PLCG2: variants seen among roughly 807,000 people sequenced by gnomAD.
PLCG2 encodes the protein phospholipase C gamma 2.
A neutral mutation model predicts 175.6 loss-of-function variants in PLCG2; 69 were observed. The observed-to-expected ratio is 0.39, with a 90% CI of 0.32 to 0.48. PLCG2 has a LOEUF of 0.48. PLCG2 is among the 20% of genes least tolerant of loss of function. The pLI, the probability that PLCG2 is intolerant of heterozygous loss-of-function variation, is 0.91. For missense variants in PLCG2, 1,798 were observed against 1,650.9 expected (o/e 1.09, Z -1.54); for synonymous variants, 827 against 624.0 (o/e 1.33, Z -4.85).
intron 2 of PLCG2, among the ~76,000 whole-genome samples, chr16:81,764,176 C>T (rs985856301): frequency 2.6e-5 from 4 of 151,948 alleles, no homozygotes; most frequent in Non-Finnish European, 5.9e-5. Flanking sequence ...AGCCTGTATC[C>T]CTAGCTACTC....
chr16:81,937,924 C>T (rs1381297592), intron 28 of PLCG2, 21 bp downstream of exon 28: 5 of 1,612,540 alleles, frequency 3.1e-6, no homozygotes, highest in East Asian at 2.2e-5. Context: ...CCCTCCCTTC[C>T]TGCCAGGGGA....
At chr16:81,893,479 C>T (rs757941505) in intron 11 of PLCG2, among the ~76,000 whole-genome samples, 8 of 152,226 alleles carry the variant, frequency 5.3e-5, no homozygotes, top group Non-Finnish European at 1.0e-4. Context: ...CCCAGGTGGT[C>T]AGCAGTCACT....
In PLCG2 at chr16:81,936,244, A is replaced by C. The variant is rs762156095; in HGVS notation, c.2918A>C (p.Asp973Ala). The change falls in exon 27 of 33, where the codon GAC becomes GCC. Residue 973 changes from aspartate (D) to alanine (A), a missense_variant. By Grantham distance (126) the Asp-to-Ala change is moderately radical. Coordinates refer to ENST00000564138, the MANE Select transcript of PLCG2 (RefSeq NM_002661.5). ...ADSIIRQKPV[D>A]LLKYNQKGLT... ...AGCATCATCAGACAGAAGCCCGTCG[A>C]CCTCCTGAAGTACAATCAAAAGGGC... 1.2e-6 allele frequency: 2 copies of C among 1,613,702 alleles called. No homozygotes were observed. Among genetic ancestry groups the C allele is most frequent in the Non-Finnish European group, 1.7e-6 (2 of 1,179,958 alleles).
chr16:81,868,092 A>T (rs1236056343), intron 5 of PLCG2, among the ~76,000 whole-genome samples: 2 of 152,130 alleles, frequency 1.3e-5, no homozygotes, highest in African/African-American at 4.8e-5. Flanking sequence ...TTTGATTCAA[A>T]TCCAGGCTCT....
intron 2 of PLCG2, among the ~76,000 whole-genome samples, chr16:81,801,203 A>G (rs1345222070): frequency 6.6e-6 from 1 of 152,210 alleles, no homozygotes; most frequent in Non-Finnish European, 1.5e-5. Flanking sequence ...ACCAACTTAG[A>G]TGAGTTGTGA....
chr16:81,750,197 C>G (rs1387122699), intron 1 of PLCG2, among the ~76,000 whole-genome samples: 1 of 152,112 alleles, frequency 6.6e-6, no homozygotes, highest in Non-Finnish European at 1.5e-5. Flanking sequence ...CACCTCAGGC[C>G]AGGAGTTCAA....
chr16:81,766,424 C>T (rs146970599), intron 2 of PLCG2, among the ~76,000 whole-genome samples: 6 of 152,266 alleles, frequency 3.9e-5, no homozygotes, highest in Middle Eastern at 3.4e-3. Flanking sequence ...GCTGAGCCCA[C>T]TGCCTGAGAA....
At chr16:81,881,534 T>C (rs1479484812) in intron 8 of PLCG2, among the ~76,000 whole-genome samples, 1 of 152,252 alleles carries the variant, frequency 6.6e-6, no homozygotes, top group Non-Finnish European at 1.5e-5. Flanking sequence ...CTGGAGTTAA[T>C]GGTCTGGGGT....
rs376030995 is a variant in PLCG2, at chr16:81,936,193, G to A, written c.2867G>A (p.Arg956His). 23 of 1,613,966 alleles carry A rather than the reference G, an allele frequency of 1.4e-5. No individual in the cohort carries two copies. The highest frequency in any genetic ancestry group is 2.7e-5 in the African/African-American group (2 of 74,916). Residue 956 changes from arginine (R) to histidine (H), a missense_variant, in exon 27 of 33, where the codon CGC becomes CAC. Physicochemically the swap from Arg to His is conservative, Grantham distance 29. Coordinates refer to ENST00000564138, the MANE Select transcript of PLCG2 (RefSeq NM_002661.5). Reference sequence around the variant, plus strand: ...GAAAATCCTGACTTCCGAGAAATCCGCTCCTTTGTGGAGACGAAGGCTGAC... The same window carrying A: ...GAAAATCCTGACTTCCGAGAAATCCACTCCTTTGTGGAGACGAAGGCTGAC... ...NLENPDFREI[R>H]SFVETKADSI...
intron 15 of PLCG2, among the ~76,000 whole-genome samples, chr16:81,907,149 TAC>T (rs1185124362): frequency 6.8e-6 from 1 of 146,590 alleles, no homozygotes; most frequent in African/African-American, 2.5e-5. Flanking sequence ...AATAAAAAAA[TAC>T]AAATAAAAAC....
At chr16:81,823,332 A>G (rs1434406107) in intron 2 of PLCG2, among the ~76,000 whole-genome samples, 2 of 152,206 alleles carry the variant, frequency 1.3e-5, no homozygotes, top group African/African-American at 4.8e-5. Context: ...ACAGAAACGC[A>G]GAAGTGAGCT....
chr16:81,884,831 G>A (rs9932398), intron 9 of PLCG2, among the ~76,000 whole-genome samples: 15,125 of 152,012 alleles, frequency 0.099, 2,562 homozygotes, highest in African/African-American at 0.34. Flanking sequence ...GCAGACAGAC[G>A]GTTTAATGAA....
At chr16:81,798,070 A>T (rs1430444905) in intron 2 of PLCG2, among the ~76,000 whole-genome samples, 1 of 152,046 alleles carries the variant, frequency 6.6e-6, no homozygotes, top group African/African-American at 2.4e-5. Flanking sequence ...ACCTCAAGTG[A>T]TCTGCCTGCA....
rs1389958645 is a variant in PLCG2 at position 81,891,842 on chromosome 16, T to A, written c.986+252T>A. 2.0e-5 allele frequency among the ~76,000 whole-genome samples: 3 copies of A among 152,228 alleles called. No individual in the cohort carries two copies. In the East Asian group the frequency reaches 5.8e-4, roughly 29 times the overall value. On this transcript the variant is annotated intron_variant, in intron 11 of 32. Coordinates refer to ENST00000564138, the MANE Select transcript of PLCG2 (RefSeq NM_002661.5). The stretch of plus-strand genomic sequence containing the variant: ...GCTAGTAAAAACAAAAGTAACTTAG[T>A]TTATGTAACTTAGTAACTAAAGTAA...
chr16:81,922,689 T>C (rs1362034593), intron 21 of PLCG2, among the ~76,000 whole-genome samples: 1 of 152,228 alleles, frequency 6.6e-6, no homozygotes, highest in Non-Finnish European at 1.5e-5. Context: ...CTAGGTTCCC[T>C]GTGAAATTCC....
chr16:81,772,231 A>C (rs1910297324), intron 2 of PLCG2, among the ~76,000 whole-genome samples: 1 of 152,152 alleles, frequency 6.6e-6, no homozygotes, highest in Admixed American at 6.5e-5. Flanking sequence ...GGCCATGAGA[A>C]GACAGAGGCA....
At chr16:81,933,224 A>G (rs541743659) in intron 25 of PLCG2, among the ~76,000 whole-genome samples, 1 of 152,302 alleles carries the variant, frequency 6.6e-6, no homozygotes, top group African/African-American at 2.4e-5. Flanking sequence ...TCCTGTTATT[A>G]CATCTGAGGG....
chr16:81,817,060 G>A (rs1002027824), intron 2 of PLCG2, among the ~76,000 whole-genome samples: 1 of 152,186 alleles, frequency 6.6e-6, no homozygotes, highest in Non-Finnish European at 1.5e-5. Flanking sequence ...CCATCACAGT[G>A]TCCTTCTTGT....
intron 5 of PLCG2, among the ~76,000 whole-genome samples, chr16:81,862,411 G>A (rs1907027948): frequency 6.6e-6 from 1 of 152,228 alleles, no homozygotes; most frequent in African/African-American, 2.4e-5. Flanking sequence ...TTGGCTGACG[G>A]TTGAGCTAGG....
Sources: allele counts gnomAD v4.1 joint callset (sites outside exome capture counted in the v4.1 genomes callset), GRCh38; gene constraint gnomAD v4.1.1; transcripts MANE v1.5; gene names NCBI Gene and HGNC (gene_info 2026-07-23, HGNC 2026-07-21).